Variants in PKHD1 observed in about 807,000 individuals in gnomAD.
PKHD1 encodes PKHD1 ciliary IPT domain containing fibrocystin/polyductin.
In PKHD1, 291 loss-of-function variants were observed where a neutral mutation model predicts 412.0. That is an observed-to-expected ratio of 0.71 (90% CI 0.64 to 0.78). PKHD1 has a LOEUF of 0.78. PKHD1 is among the 30% of genes least tolerant of loss of function. The pLI is 0.00. For synonymous variants in PKHD1, 1,777 were observed against 1,821.5 expected (o/e 0.98, Z 0.62); for missense variants, 4,825 against 4,950.7 (o/e 0.97, Z 0.76).
chr6:52,006,675 C>T (rs773281244), intron 35 of PKHD1, among the ~76,000 whole-genome samples: 5 of 152,104 alleles, frequency 3.3e-5, no homozygotes, highest in Non-Finnish European at 7.3e-5. Flanking sequence ...CCACACCTGG[C>T]TGAAAAATAT....
chr6:51,683,264 A>C lies in PKHD1; in HGVS notation c.10157-23295T>G, dbSNP rs79362837. Among the ~76,000 whole-genome samples, 1,097 of 152,168 alleles carry C rather than the reference A, an allele frequency of 7.2e-3. 11 individuals carry two copies. The highest frequency in any genetic ancestry group is 0.025 in the African/African-American group (1,049 of 41,538). The stretch of plus-strand genomic sequence containing the variant: ...AATTCAGCAAGGTGAGCAAATTTTA[A>C]GGACAATTCGGGATCCAATTTTGAG... On this transcript the variant is annotated intron_variant, in intron 60 of 66. Coordinates refer to ENST00000371117, the MANE Select transcript of PKHD1 (RefSeq NM_138694.4).
chr6:51,824,509 T>C (rs1432547842), intron 52 of PKHD1, among the ~76,000 whole-genome samples: 1 of 152,178 alleles, frequency 6.6e-6, no homozygotes, highest in Non-Finnish European at 1.5e-5. Context: ...TGATTCTCTC[T>C]AAGAAATTGC....
At chr6:51,979,717 C>T (rs1794904741) in intron 35 of PKHD1, among the ~76,000 whole-genome samples, 1 of 152,158 alleles carries the variant, frequency 6.6e-6, no homozygotes, top group East Asian at 1.9e-4. Flanking sequence ...ATCCTCTACC[C>T]TACAAGTGGT....
intron 54 of PKHD1, among the ~76,000 whole-genome samples, chr6:51,775,167 T>C (rs1379535574): frequency 6.6e-6 from 1 of 151,508 alleles, no homozygotes; most frequent in African/African-American, 2.4e-5. Flanking sequence ...AAGGGAAAAA[T>C]AACCAAAAAA....
At chr6:51,690,811 AAATGGGGTAT>A (rs1778067769) in intron 60 of PKHD1, among the ~76,000 whole-genome samples, 1 of 152,346 alleles carries the variant, frequency 6.6e-6, no homozygotes, top group African/African-American at 2.4e-5. Flanking sequence ...AAAAATTGAC[AAATGGGGTAT>A]AATTAAATAA....
In PKHD1 at chr6:51,775,843, C is replaced by T. The variant is rs373643848; in HGVS notation, c.8519G>A (p.Arg2840His). ...TGGGTCAATATGAATTCCATTCATA[C>T]GGTCACAAAAGACTCCCTCTGAGGC... ...LRASEGVFCD[R>H]MNGIHIDPGT... Residue 2840 changes from arginine to histidine, a missense_variant, in exon 54 of 67, where the codon CGT (arginine) becomes CAT (histidine). Transcript: ENST00000371117. 5.6e-5 allele frequency: 89 copies of T among 1,586,320 alleles called. No individual in the cohort carries two copies. The Middle Eastern group carries it at 6.6e-4, about 12-fold the overall frequency.
At position 52,025,856 on chromosome 6, in the gene PKHD1, A is replaced by C. The variant is rs1245081178; in HGVS notation, c.3954T>G (p.His1318Gln). 6.2e-7 allele frequency: 1 copy of C among 1,614,172 alleles called. No individual in the cohort carries two copies. The highest frequency in any genetic ancestry group is 2.2e-5 in the East Asian group (1 of 44,878). ...AGTTGGAGAGGTTACTTCCTCCCAC[A>C]TGCAGGCTCAGGCTGCTATTTGTGA... is the stretch of plus-strand genomic sequence containing the variant. The part of the protein sequence containing the change: ...GEITNSSLSL[H>Q]VGGSNLSNSV... Residue 1318 changes from histidine (H) to glutamine (Q), a missense_variant, in exon 32 of 67, where the codon CAT becomes CAG. Transcript: ENST00000371117.
At chr6:51,847,251 A>G (rs1362029796) in intron 50 of PKHD1, among the ~76,000 whole-genome samples, 1 of 142,752 alleles carries the variant, frequency 7.0e-6, no homozygotes, top group African/African-American at 2.6e-5. Context: ...ACATGCCACC[A>G]TGCCCAGCAT....
At chr6:52,018,413 C>T (rs1800870149) in intron 33 of PKHD1, among the ~76,000 whole-genome samples, 1 of 152,166 alleles carries the variant, frequency 6.6e-6, no homozygotes, top group Admixed American at 6.5e-5. Context: ...ATTACAAGCA[C>T]TTGAAATTAT....
In PKHD1 at chr6:51,831,258, A is replaced by G. The variant is rs1571085; in HGVS notation, c.8174-269T>C. On this transcript the variant is annotated intron_variant, in intron 51 of 66. Coordinates refer to ENST00000371117, the MANE Select transcript of PKHD1 (RefSeq NM_138694.4). ...TGGCATGCTTATCATGAAATATTTAAAAAATGCAAATAAGAAAGGTAATAA... is the reference window on the plus strand; with the variant it reads ...TGGCATGCTTATCATGAAATATTTAGAAAATGCAAATAAGAAAGGTAATAA... 0.44 allele frequency among the ~76,000 whole-genome samples: 67,344 copies of G among 151,984 alleles called. 16,011 individuals are homozygous for G. The highest frequency in any genetic ancestry group is 0.61 in the Middle Eastern group (178 of 292).
At position 51,753,249 on chromosome 6, in the gene PKHD1, T is replaced by TC; in HGVS notation, c.8901dup (p.Arg2968GlufsTer23). ...TTCCTGAAGGACCCCACAAACAGTCTCCCCCTACATGATACGTCAGGCTGA... is the reference window on the plus strand; with the variant it reads ...TTCCTGAAGGACCCCACAAACAGTCTCCCCCCTACATGATACGTCAGGCTGA... On this transcript the variant is annotated frameshift_variant, in exon 57 of 67. Transcript: ENST00000371117. LOFTEE classifies it high-confidence loss of function. The TC allele has an allele frequency of 6.2e-7, 1 of 1,613,588 alleles. No homozygotes were observed. The highest frequency in any genetic ancestry group is 8.5e-7 in the Non-Finnish European group (1 of 1,179,682).
intron 47 of PKHD1, 146 bp from the exon 48 acceptor site, chr6:51,868,255 G>T: frequency 3.9e-6 from 3 of 768,796 alleles, no homozygotes; most frequent in Non-Finnish European, 6.5e-6. Flanking sequence ...GTTTTCTGTG[G>T]GTGTTTTACA....
intron 3 of PKHD1, 111 bp from the exon 4 acceptor site, chr6:52,082,653 G>T (rs1426714029): frequency 9.8e-7 from 1 of 1,023,860 alleles, no homozygotes; most frequent in Non-Finnish European, 1.5e-6. Context: ...TTTGCCCAAG[G>T]ATTAAATTAA....
rs1192788023 is a variant in PKHD1 at position 52,022,928 on chromosome 6, C to T, written c.5253G>A (p.Arg1751=). ...ATCCCGCTCCAAACACATGCACCAGCCTTCCACCCAGGCAGCCTTTAAAGA... is the reference window on the plus strand; with the variant it reads ...ATCCCGCTCCAAACACATGCACCAGTCTTCCACCCAGGCAGCCTTTAAAGA... ...VTENFGCLGG[R]LVHVFGAGFS... The change falls in exon 33 of 67, where the codon AGG becomes AGA. Residue 1751 remains arginine (R), a synonymous_variant. Transcript: ENST00000371117. 1.2e-6 allele frequency: 2 copies of T among 1,614,108 alleles called. No homozygotes were observed. Among genetic ancestry groups the T allele is most frequent in the South Asian group, 1.1e-5 (1 of 91,072 alleles).
intron 46 of PKHD1, among the ~76,000 whole-genome samples, chr6:51,880,889 C>A (rs936110990): frequency 2.0e-5 from 3 of 148,140 alleles, no homozygotes; most frequent in Admixed American, 2.0e-4. Context: ...TGGCGTGAAC[C>A]CGGGAGGCGG....
chr6:51,828,186 G>GT (rs1267785916), intron 52 of PKHD1, among the ~76,000 whole-genome samples: 2 of 151,896 alleles, frequency 1.3e-5, no homozygotes, highest in Non-Finnish European at 2.9e-5. Flanking sequence ...TTGATGGTAA[G>GT]TTTTTTTGAA....
At chr6:51,666,596 G>A (rs1278320978) in intron 60 of PKHD1, among the ~76,000 whole-genome samples, 3 of 151,706 alleles carry the variant, frequency 2.0e-5, no homozygotes, top group Non-Finnish European at 2.9e-5. Flanking sequence ...TGTGCACAAT[G>A]TGCAGGTTAC....
intron 44 of PKHD1, among the ~76,000 whole-genome samples, chr6:51,886,472 G>T (rs139371075): frequency 1.2e-3 from 182 of 152,334 alleles, no homozygotes; most frequent in Non-Finnish European, 2.0e-3. Flanking sequence ...CCTTTAAAGA[G>T]AAGGAAATCC....
intron 55 of PKHD1, among the ~76,000 whole-genome samples, chr6:51,767,991 T>C (rs866227802): frequency 6.6e-6 from 1 of 152,058 alleles, no homozygotes; most frequent in Non-Finnish European, 1.5e-5. Context: ...GTTTCCTGAC[T>C]TTTTAATGAT....
Sources: allele counts gnomAD v4.1 joint callset (sites outside exome capture counted in the v4.1 genomes callset), GRCh38; gene constraint gnomAD v4.1.1; transcripts MANE v1.5; gene names NCBI Gene and HGNC (gene_info 2026-07-23, HGNC 2026-07-21).